SLC25A26: variants seen among roughly 807,000 people sequenced by gnomAD.
SLC25A26 encodes solute carrier family 25 member 26.
In SLC25A26, 36 loss-of-function variants were observed where a neutral mutation model predicts 37.8. That is an observed-to-expected ratio of 0.95 (90% confidence interval 0.73 to 1.26). SLC25A26 has a LOEUF of 1.26. Among genes scored for constraint, SLC25A26 ranks in the 50% most tolerant of loss-of-function variants. The pLI, the probability that SLC25A26 is intolerant of heterozygous loss-of-function variation, is 0.00. For missense variants in SLC25A26, 390 were observed against 331.1 expected (o/e 1.18, Z -1.38); for synonymous variants, 129 against 122.5 (o/e 1.05, Z -0.35).
chr3:66,296,244 A>G (rs2074899346), intron 5 of SLC25A26, among the ~76,000 whole-genome samples: 1 of 152,210 alleles, frequency 6.6e-6, no homozygotes, highest in Non-Finnish European at 1.5e-5. Context: ...GTGGACAGGG[A>G]TGAAATTAAA....
In SLC25A26 at chr3:66,236,534, T is replaced by G; in HGVS notation, c.34-10T>G. The stretch of plus-strand genomic sequence containing the variant: ...TTTTTTTCTTTTTCTTCCCTCTTTT[T>G]TTTTCAAAGGCTGGTGGGGTAGCAG... On this transcript the variant is annotated splice_polypyrimidine_tract_variant and intron_variant, in intron 1 of 9. Coordinates refer to ENST00000354883, the MANE Select transcript of SLC25A26 (RefSeq NM_001379210.1). The G allele has an allele frequency of 7.0e-7, 1 of 1,429,036 alleles. No homozygotes were observed. 88.5% of individuals were successfully genotyped at this position (1,429,036 alleles called of 1,614,324 possible).
At chr3:66,170,305 A>G (rs1249871772) in intron 1 of SLC25A26, among the ~76,000 whole-genome samples, 2 of 152,222 alleles carry the variant, frequency 1.3e-5, no homozygotes, top group African/African-American at 2.4e-5. Context: ...GCACTTCAAC[A>G]TAATTTGCTT....
chr3:66,312,047 G>A (rs1340207209), intron 5 of SLC25A26, among the ~76,000 whole-genome samples: 1 of 152,210 alleles, frequency 6.6e-6, no homozygotes, highest in Non-Finnish European at 1.5e-5. Flanking sequence ...CCTCTCTTCA[G>A]AGCTGGCAGA....
intron 3 of SLC25A26, among the ~76,000 whole-genome samples, chr3:66,244,693 C>T (rs1302992723): frequency 6.6e-6 from 1 of 152,126 alleles, no homozygotes; most frequent in Admixed American, 6.5e-5. Context: ...AAACTCTTGG[C>T]CGGGCACGGT....
At chr3:66,225,426 G>A (rs1194685066) in intron 1 of SLC25A26, among the ~76,000 whole-genome samples, 3 of 152,118 alleles carry the variant, frequency 2.0e-5, no homozygotes, top group Admixed American at 6.5e-5. Context: ...GTAATGGCTG[G>A]GACACAGGGC....
At chr3:66,141,099 A>C (rs540521154) in intron 1 of SLC25A26, among the ~76,000 whole-genome samples, 1 of 151,914 alleles carries the variant, frequency 6.6e-6, no homozygotes, top group African/African-American at 2.4e-5. Flanking sequence ...AAAACAGTGA[A>C]ATCCAAATGA....
intron 5 of SLC25A26, among the ~76,000 whole-genome samples, chr3:66,294,538 G>GTTTA (rs1037865123): frequency 1.3e-5 from 2 of 152,048 alleles, no homozygotes; most frequent in Non-Finnish European, 2.9e-5. Flanking sequence ...TGTAGTATTT[G>GTTTA]TTTATTTATT....
chr3:66,135,505 T>A (rs2069933371), intron 1 of SLC25A26, among the ~76,000 whole-genome samples: 1 of 152,230 alleles, frequency 6.6e-6, no homozygotes, highest in South Asian at 2.1e-4. Flanking sequence ...CAGTGGCTCA[T>A]GCCTGTATTC....
At chr3:66,315,366 A>T (rs1294909196) in intron 5 of SLC25A26, among the ~76,000 whole-genome samples, 3 of 152,078 alleles carry the variant, frequency 2.0e-5, no homozygotes, top group African/African-American at 7.2e-5. Flanking sequence ...TTTCTGCCTT[A>T]ATTTCATCAT....
chr3:66,201,123 C>G (rs2071102856), intron 1 of SLC25A26, among the ~76,000 whole-genome samples: 2 of 152,006 alleles, frequency 1.3e-5, no homozygotes, highest in South Asian at 4.1e-4. Context: ...CCTTTTTCCT[C>G]CTTACCAGGG....
intron 1 of SLC25A26, among the ~76,000 whole-genome samples, chr3:66,174,190 A>G (rs1215728350): frequency 2.0e-5 from 3 of 152,176 alleles, no homozygotes; most frequent in African/African-American, 7.2e-5. Context: ...TAATTCTTCT[A>G]TGACAGATAG....
At position 66,175,138 on chromosome 3, in the gene SLC25A26, T is replaced by C. The variant is rs1283483847; in HGVS notation, c.-354+41154T>C. Among the ~76,000 whole-genome samples, 39 of 64,230 alleles carry C rather than the reference T, an allele frequency of 6.1e-4. 2 individuals are homozygous for C. The highest frequency in any genetic ancestry group is 2.4e-3 in the African/African-American group (31 of 12,736). The allele number at this position is 64,230 out of a possible 152,430, so 42.1% of individuals were successfully genotyped here. A position where few individuals can be genotyped will look rare whatever the true frequency, so the allele number is the denominator to read the frequency against. ...ATATATATATATATATATATATATATATACACACACACACACACACACATT... is the reference window on the plus strand; with the variant it reads ...ATATATATATATATATATATATATACATACACACACACACACACACACATT... On this transcript the variant is annotated intron_variant, in intron 1 of 10. Coordinates refer to the SLC25A26 transcript ENST00000676754.
At chr3:66,225,938 C>A (rs926686734) in intron 1 of SLC25A26, among the ~76,000 whole-genome samples, 1 of 152,184 alleles carries the variant, frequency 6.6e-6, no homozygotes, top group Non-Finnish European at 1.5e-5. Flanking sequence ...GCATTTTGGT[C>A]AAAGCCATTC....
chr3:66,325,703 G>A (rs2075820467), intron 5 of SLC25A26, among the ~76,000 whole-genome samples: 1 of 152,196 alleles, frequency 6.6e-6, no homozygotes, highest in Non-Finnish European at 1.5e-5. Context: ...GATAAGGCCA[G>A]TGTAGCGTAA....
intron 1 of SLC25A26, among the ~76,000 whole-genome samples, chr3:66,195,257 G>A (rs2071025939): frequency 6.6e-6 from 1 of 152,152 alleles, no homozygotes; most frequent in East Asian, 1.9e-4. Context: ...GGAAACACCC[G>A]CTGTAATCCC....
chr3:66,244,585 T>G (rs1678095), intron 3 of SLC25A26, among the ~76,000 whole-genome samples: 71,984 of 152,014 alleles, frequency 0.47, 18,960 homozygotes, highest in African/African-American at 0.71. Context: ...TGCAGAGACA[T>G]TGTCATTACA....
intron 5 of SLC25A26, among the ~76,000 whole-genome samples, chr3:66,297,807 GAA>G (rs990589132): frequency 1.1e-4 from 17 of 152,310 alleles, no homozygotes; most frequent in Non-Finnish European, 1.5e-4. Context: ...ACTCTTTACA[GAA>G]AAAGTTTTCT....
intron 1 of SLC25A26, among the ~76,000 whole-genome samples, chr3:66,179,678 C>T (rs1031845312): frequency 4.6e-5 from 7 of 151,918 alleles, no homozygotes; most frequent in African/African-American, 9.7e-5. Context: ...ATAACATATA[C>T]GCTTTAGTTT....
intron 5 of SLC25A26, among the ~76,000 whole-genome samples, chr3:66,320,791 T>C (rs1015913643): frequency 3.9e-5 from 6 of 152,194 alleles, no homozygotes. Flanking sequence ...TGTGAAATGG[T>C]ATGAACCAGT....
Sources: gnomAD v4.1 joint callset for allele counts (sites outside exome capture counted in the v4.1 genomes callset) on GRCh38, gnomAD v4.1.1 for gene constraint, MANE v1.5 for transcripts, NCBI Gene and HGNC (gene_info 2026-07-23, HGNC 2026-07-21) for gene names.